SLC1A2: variants seen among roughly 807,000 people sequenced by gnomAD.
SLC1A2 encodes the protein excitatory amino acid transporter 2.
In SLC1A2, 15 loss-of-function variants were observed where a neutral mutation model predicts 48.8. That is an observed-to-expected ratio of 0.31 (90% CI 0.21 to 0.47). The LOEUF (loss-of-function observed/expected upper bound fraction) is 0.47. Among genes scored for constraint, SLC1A2 ranks in the 20% least tolerant of loss-of-function variants. The probability of loss-of-function intolerance (pLI) is 0.99; values close to 1 mark genes in which losing one functional copy is unlikely to be tolerated. For synonymous variants in SLC1A2, 279 were observed against 272.6 expected, an observed-to-expected ratio of 1.02 and a Z score of -0.23; for missense variants, 502 against 730.5, an observed-to-expected ratio of 0.69 and a Z score of 3.61.
chr11:35,374,669 C>A (rs1194381163), intron 1 of SLC1A2, among the ~76,000 whole-genome samples: 2 of 152,126 alleles, frequency 1.3e-5, no homozygotes, highest in African/African-American at 4.8e-5. Flanking sequence ...GGTTGGACAC[C>A]ACTGGTTAAA....
chr11:35,265,576 T>C lies in SLC1A2; in HGVS notation c.1604A>G (p.Asn535Ser). Residue 535 changes from asparagine (N) to serine (S), a missense_variant, in exon 10 of 11, where the codon AAT (asparagine) becomes AGT (serine). Asn to Ser is a conservative substitution (Grantham distance 46). Coordinates refer to ENST00000278379, the MANE Select transcript of SLC1A2 (RefSeq NM_004171.4). ...DMKNHRESNS[N>S]QCVYAAHNSV... ...GTTGTGTGCAGCATAGACACATTGA[T>C]TAGAGTTGCTTTCCCTGTGGTTCTT... 1 of 1,611,182 alleles carries C rather than the reference T, an allele frequency of 6.2e-7. No homozygotes were observed.
chr11:35,408,074 T>C (rs1855353835), intron 1 of SLC1A2, among the ~76,000 whole-genome samples: 1 of 152,184 alleles, frequency 6.6e-6, no homozygotes, highest in African/African-American at 2.4e-5. Context: ...GAATTCCTTT[T>C]TCTGCACTTA....
chr11:35,408,048 AT>A (rs1246691965), intron 1 of SLC1A2, among the ~76,000 whole-genome samples: 3 of 152,164 alleles, frequency 2.0e-5, no homozygotes, highest in African/African-American at 7.2e-5. Context: ...TCTTCTTCAA[AT>A]TTAATTTCTC....
intron 9 of SLC1A2, 109 bp from the exon 10 acceptor site, chr11:35,265,867 T>C: frequency 1.5e-6 from 1 of 663,758 alleles, no homozygotes; most frequent in East Asian, 2.6e-5. Context: ...GGCTCTACCT[T>C]TTCCCTCTGC....
intron 1 of SLC1A2, among the ~76,000 whole-genome samples, chr11:35,328,840 C>G (rs955772617): frequency 6.6e-5 from 10 of 152,226 alleles, no homozygotes; most frequent in African/African-American, 2.4e-4. Context: ...CCTGTCCCCT[C>G]TCAGCCTCTG....
At chr11:35,409,322 G>A (rs1855391087) in intron 1 of SLC1A2, among the ~76,000 whole-genome samples, 1 of 152,152 alleles carries the variant, frequency 6.6e-6, no homozygotes, top group South Asian at 2.1e-4. Context: ...CCCAGGTAAG[G>A]ACTCCATGGG....
intron 1 of SLC1A2, among the ~76,000 whole-genome samples, chr11:35,375,361 G>A (rs755416881): frequency 1.2e-4 from 18 of 152,192 alleles, no homozygotes; most frequent in Non-Finnish European, 1.8e-4. Context: ...CCCGCTTCAC[G>A]TGAATTCAGA....
intron 1 of SLC1A2, among the ~76,000 whole-genome samples, chr11:35,350,469 A>G (rs1853210346): frequency 6.6e-6 from 1 of 152,212 alleles, no homozygotes; most frequent in African/African-American, 2.4e-5. Context: ...TAGGGTGAGA[A>G]GGTAAAGAAG....
intron 10 of SLC1A2, chr11:35,265,258 G>A: frequency 3.8e-6 from 2 of 531,134 alleles, no homozygotes; most frequent in South Asian, 6.0e-5. Flanking sequence ...AGTTAAATGG[G>A]GTAGATAGGG....
In SLC1A2 at chr11:35,310,272, C is replaced by T. The variant is rs111808027; in HGVS notation, c.561+1926G>A. 8.7e-3 allele frequency among the ~76,000 whole-genome samples: 1,318 copies of T among 152,292 alleles called. 6 individuals carry two copies. The highest frequency in any genetic ancestry group is 0.02 in the Middle Eastern group (6 of 294). On this transcript the variant is annotated intron_variant, in intron 4 of 10. Transcript: ENST00000278379. ...CTACCAGCTCAGCCTCCTGCAGCTG[C>T]GATCCCAGAATGCTCTTTCCAAAAT...
intron 1 of SLC1A2, among the ~76,000 whole-genome samples, chr11:35,367,215 A>C (rs942624705): frequency 2.0e-5 from 3 of 152,248 alleles, no homozygotes; most frequent in African/African-American, 7.2e-5. Flanking sequence ...CACCTACAAT[A>C]ACTGGTAGAT....
In SLC1A2 at chr11:35,297,319, C is replaced by T. The variant is rs185163286; in HGVS notation, c.857+4200G>A. Reference sequence around the variant, plus strand: ...TGGTTTAGCCAAAATACTCCTTACCCCCGAGCATCCACTGCCCCCACCTTG... The same window carrying T: ...TGGTTTAGCCAAAATACTCCTTACCTCCGAGCATCCACTGCCCCCACCTTG... On this transcript the variant is annotated intron_variant, in intron 6 of 10. Transcript: ENST00000278379. Among the ~76,000 whole-genome samples, 23 of 152,182 alleles carry T rather than the reference C, an allele frequency of 1.5e-4. 1 individual carries two copies. In the East Asian group the frequency reaches 4.4e-3, roughly 29 times the overall value.
chr11:35,311,363 T>C (rs1227658068), intron 4 of SLC1A2, among the ~76,000 whole-genome samples: 1 of 152,114 alleles, frequency 6.6e-6, no homozygotes, highest in Non-Finnish European at 1.5e-5. Context: ...TTTCACCATG[T>C]TGGCCAGGCT....
rs1163368039 is a variant in SLC1A2, at chr11:35,393,371, C to T, written c.17+25579G>A. Among the ~76,000 whole-genome samples, 12 of 152,166 alleles carry T rather than the reference C, an allele frequency of 7.9e-5. No individual in the cohort carries two copies. In the East Asian group the frequency reaches 2.3e-3, roughly 29 times the overall value. On this transcript the variant is annotated intron_variant, in intron 1 of 10. Coordinates refer to ENST00000278379, the MANE Select transcript of SLC1A2 (RefSeq NM_004171.4). ...TGCAGCTTGAGCTGGTCCCAGGAGA[C>T]TCTCCTGATTTCTAAAGCTGCCACT...
intron 9 of SLC1A2, among the ~76,000 whole-genome samples, chr11:35,268,908 A>G (rs539281051): frequency 3.0e-4 from 46 of 152,268 alleles, no homozygotes; most frequent in African/African-American, 1.1e-3. Context: ...GCACCCTGGA[A>G]CCACACAGCC....
chr11:35,283,825 G>T (rs1850718656), intron 8 of SLC1A2, among the ~76,000 whole-genome samples: 1 of 151,848 alleles, frequency 6.6e-6, no homozygotes, highest in Non-Finnish European at 1.5e-5. Flanking sequence ...ATTTTCCATT[G>T]TCAGTAACAT....
At chr11:35,277,484 C>A (rs1187150417) in intron 9 of SLC1A2, among the ~76,000 whole-genome samples, 1 of 152,182 alleles carries the variant, frequency 6.6e-6, no homozygotes, top group Non-Finnish European at 1.5e-5. Flanking sequence ...ACCCCTTTTC[C>A]TCACTCCTGA....
Position 35,260,958 on chromosome 11 carries a change from A to C in SLC1A2, c.1661T>G (p.Leu554Arg). 1.9e-6 allele frequency: 3 copies of C among 1,613,142 alleles called. No individual in the cohort carries two copies. Among genetic ancestry groups the C allele is most frequent in the Non-Finnish European group, 2.5e-6 (3 of 1,179,088 alleles). The change falls in exon 11 of 11, where the codon CTG (leucine) becomes CGG (arginine). Residue 554 changes from leucine to arginine, a missense_variant. Physicochemically the swap from Leu to Arg is moderately radical, Grantham distance 102. This residue lies in a region of SLC1A2 where 102 missense variants were observed against 107.2 expected (regional missense o/e 0.95). Transcript: ENST00000278379. The part of the protein sequence containing the change: ...SVIVDECKVT[L>R]AANGKSADCS... ...GTCGGCTGACTTTCCATTGGCTGCC[A>C]GAGTTACCTGAAAATAATTATCATC...
At chr11:35,295,188 C>T (rs1851133703) in intron 6 of SLC1A2, among the ~76,000 whole-genome samples, 1 of 152,104 alleles carries the variant, frequency 6.6e-6, no homozygotes, top group South Asian at 2.1e-4. Flanking sequence ...GCTAAGACTA[C>T]AGGTGTTTGC....
Sources: allele counts gnomAD v4.1 joint callset (sites outside exome capture counted in the v4.1 genomes callset), GRCh38; gene constraint gnomAD v4.1.1; regional missense constraint gnomAD v4.1.1; transcripts MANE v1.5; gene names NCBI Gene and HGNC (gene_info 2026-07-23, HGNC 2026-07-21).